OPCML: variants seen among roughly 807,000 people sequenced by gnomAD.
The protein encoded by OPCML is opioid binding protein/cell adhesion molecule like.
OPCML carries 13 observed loss-of-function variants against 37.8 expected under a neutral mutation model. The ratio of observed to expected loss-of-function variants is 0.34; its 90% CI spans 0.22 to 0.55. The LOEUF (loss-of-function observed/expected upper bound fraction) is 0.55, where lower values mean the gene tolerates loss of function less well. Among genes scored for constraint, OPCML ranks in the 20% least tolerant of loss-of-function variants. The probability of loss-of-function intolerance (pLI) is 0.91; values close to 1 mark genes in which losing one functional copy is unlikely to be tolerated. For synonymous variants in OPCML, 176 were observed against 168.8 expected, an observed-to-expected ratio of 1.04 and a Z score of -0.33; for missense variants, 341 against 435.6, an observed-to-expected ratio of 0.78 and a Z score of 1.93.
intron 1 of OPCML, among the ~76,000 whole-genome samples, chr11:133,045,631 T>G (rs1297511046): frequency 6.6e-6 from 1 of 152,234 alleles, no homozygotes; most frequent in Non-Finnish European, 1.5e-5. Context: ...TGTGAGCTGG[T>G]CTCTGCCATC....
At chr11:132,643,920 G>A (rs1591663592) in intron 3 of OPCML, among the ~76,000 whole-genome samples, 1 of 152,148 alleles carries the variant, frequency 6.6e-6, no homozygotes, top group Non-Finnish European at 1.5e-5. Flanking sequence ...GTCTGAAAGA[G>A]ACCAAACTTT....
intron 1 of OPCML, among the ~76,000 whole-genome samples, chr11:133,097,631 T>C (rs1949023765): frequency 1.3e-5 from 2 of 151,656 alleles, no homozygotes; most frequent in African/African-American, 2.4e-5. Flanking sequence ...GCCAGAATAA[T>C]TAAGAAAAAA....
intron 3 of OPCML, among the ~76,000 whole-genome samples, chr11:132,548,306 G>T (rs761449104): frequency 6.6e-6 from 1 of 152,146 alleles, no homozygotes; most frequent in Non-Finnish European, 1.5e-5. Flanking sequence ...TGGAAATTTT[G>T]AAGAATTTGC....
intron 2 of OPCML, among the ~76,000 whole-genome samples, chr11:132,830,988 T>A (rs535695153): frequency 1.3e-5 from 2 of 152,234 alleles, no homozygotes; most frequent in African/African-American, 4.8e-5. Context: ...AGGCAAGGTC[T>A]CTTTAAGTTC....
chr11:132,505,919 A>G (rs1480860845), intron 4 of OPCML, among the ~76,000 whole-genome samples: 1 of 152,082 alleles, frequency 6.6e-6, no homozygotes, highest in Non-Finnish European at 1.5e-5. Flanking sequence ...GTGTGTGCCT[A>G]ATAACAGACT....
intron 1 of OPCML, among the ~76,000 whole-genome samples, chr11:133,228,460 CAG>C (rs746414395): frequency 1.3e-5 from 2 of 152,256 alleles, no homozygotes; most frequent in African/African-American, 2.4e-5. Flanking sequence ...CTCATGGAAA[CAG>C]AATCTCAGAG....
At chr11:133,014,490 G>A (rs1247627899) in intron 1 of OPCML, among the ~76,000 whole-genome samples, 2 of 152,156 alleles carry the variant, frequency 1.3e-5, no homozygotes, top group Non-Finnish European at 2.9e-5. Flanking sequence ...CCCCATGAAG[G>A]AAGGGCAGGG....
At chr11:133,077,657 G>T (rs897327861) in intron 1 of OPCML, among the ~76,000 whole-genome samples, 41 of 152,214 alleles carry the variant, frequency 2.7e-4, no homozygotes, top group African/African-American at 8.9e-4. Flanking sequence ...TATGTTAACA[G>T]TCAACTCATT....
intron 1 of OPCML, chr11:133,008,813 C>T: frequency 1.2e-6 from 1 of 814,348 alleles, no homozygotes; most frequent in Non-Finnish European, 1.5e-6. Context: ...CCTGACAGTA[C>T]TCCCTAATGC....
intron 1 of OPCML, among the ~76,000 whole-genome samples, chr11:133,427,421 G>C: frequency 1.6e-5 from 2 of 123,258 alleles, no homozygotes; most frequent in South Asian, 6.8e-4. Flanking sequence ...GGCCGGGGGT[G>C]GGGGGGCGGG....
intron 1 of OPCML, among the ~76,000 whole-genome samples, chr11:133,139,862 G>A (rs1307964696): frequency 6.6e-6 from 1 of 152,084 alleles, no homozygotes; most frequent in African/African-American, 2.4e-5. Context: ...GGTGACTAGG[G>A]AGTCTTAACG....
chr11:132,831,814 TAG>T (rs1940708027), intron 2 of OPCML, among the ~76,000 whole-genome samples: 1 of 152,188 alleles, frequency 6.6e-6, no homozygotes, highest in African/African-American at 2.4e-5. Flanking sequence ...CTTGTGGCAA[TAG>T]AGATCTTTAT....
At chr11:133,167,476 T>C (rs1050023910) in intron 1 of OPCML, among the ~76,000 whole-genome samples, 8 of 152,118 alleles carry the variant, frequency 5.3e-5, no homozygotes, top group African/African-American at 1.9e-4. Context: ...CTATGGACCC[T>C]GTCAAAGGTT....
chr11:133,502,247 A>G (rs1180075310), intron 1 of OPCML, among the ~76,000 whole-genome samples: 2 of 152,116 alleles, frequency 1.3e-5, no homozygotes, highest in Non-Finnish European at 1.5e-5. Flanking sequence ...GTTCTCTACA[A>G]AGTGAGAAAT....
intron 4 of OPCML, among the ~76,000 whole-genome samples, chr11:132,478,698 T>C (rs2096166224): frequency 6.6e-6 from 1 of 152,230 alleles, no homozygotes; most frequent in South Asian, 2.1e-4. Flanking sequence ...ATCAAGATAA[T>C]ACTGCTTGAG....
rs185873275 is a variant in OPCML at position 133,306,433 on chromosome 11, G to C, written c.61+225831C>G. ...TTAATTTTGAATAATGATTTGACGC[G>C]GTCACTCTAAAATTGACATTGGTTT... On this transcript the variant is annotated intron_variant, in intron 1 of 7. Coordinates refer to ENST00000524381, the MANE Select transcript of OPCML (RefSeq NM_001012393.5). Among the ~76,000 whole-genome samples the C allele has an allele frequency of 7.2e-5, 11 of 152,010 alleles. No homozygotes were observed. The South Asian group carries it at 2.3e-3, about 32-fold the overall frequency.
chr11:132,783,028 T>G (rs1015708628), intron 2 of OPCML, among the ~76,000 whole-genome samples: 4 of 151,368 alleles, frequency 2.6e-5, no homozygotes, highest in African/African-American at 9.7e-5. Context: ...ATCTGATTTT[T>G]GCTTTTAGAT....
intron 2 of OPCML, among the ~76,000 whole-genome samples, chr11:132,885,316 T>C (rs569901553): frequency 4.5e-4 from 69 of 152,284 alleles, no homozygotes; most frequent in African/African-American, 1.6e-3. Context: ...TGTTCAAGTG[T>C]TCAGTCATCT....
chr11:133,470,718 T>G (rs1947088706), intron 1 of OPCML, among the ~76,000 whole-genome samples: 1 of 152,178 alleles, frequency 6.6e-6, no homozygotes, highest in Non-Finnish European at 1.5e-5. Flanking sequence ...AGACCCCAAC[T>G]ATTGGCTGAC....
Sources: allele counts gnomAD v4.1 joint callset (sites outside exome capture counted in the v4.1 genomes callset), GRCh38; gene constraint gnomAD v4.1.1; transcripts MANE v1.5; gene names NCBI Gene and HGNC (gene_info 2026-07-23, HGNC 2026-07-21).